Variants in EPHB2 observed in about 807,000 individuals in gnomAD.
EPHB2 encodes the protein EPH receptor B2, also known as ephrin type-B receptor 2.
Under a neutral mutation model 96.4 loss-of-function variants are expected in EPHB2, and 18 were observed. That is an observed-to-expected ratio of 0.19 (90% confidence interval 0.13 to 0.28). The LOEUF is 0.28. EPHB2 is among the 10% of genes least tolerant of loss of function. EPHB2 has a pLI of 1.00. For synonymous variants in EPHB2, 506 were observed against 534.1 expected (o/e 0.95, Z 0.72); for missense variants, 989 against 1,355.4 (o/e 0.73, Z 4.25).
intron 5 of EPHB2, among the ~76,000 whole-genome samples, chr1:22,873,731 G>T (rs1357057750): frequency 1.3e-5 from 2 of 152,246 alleles, no homozygotes; most frequent in African/African-American, 4.8e-5. Context: ...CAAAATGGCT[G>T]CAAGGTCTCT....
chr1:22,883,763 C>G (rs373090740), intron 6 of EPHB2, among the ~76,000 whole-genome samples: 1 of 152,294 alleles, frequency 6.6e-6, no homozygotes, highest in South Asian at 2.1e-4. Context: ...GGCCGTCTTA[C>G]CATTGCTTGC....
At chr1:22,786,832 G>A (rs1204778372) in intron 3 of EPHB2, among the ~76,000 whole-genome samples, 1 of 152,242 alleles carries the variant, frequency 6.6e-6, no homozygotes, top group Non-Finnish European at 1.5e-5. Context: ...CTTGCAGAAA[G>A]GTGATGGTTC....
chr1:22,804,499 C>T (rs768267955), intron 3 of EPHB2, among the ~76,000 whole-genome samples: 1 of 152,132 alleles, frequency 6.6e-6, no homozygotes, highest in East Asian at 1.9e-4. Context: ...GGCCTGAAAG[C>T]GCACGCTCAC....
At chr1:22,894,392 G>C (rs942947839) in intron 7 of EPHB2, among the ~76,000 whole-genome samples, 1 of 152,138 alleles carries the variant, frequency 6.6e-6, no homozygotes, top group African/African-American at 2.4e-5. Flanking sequence ...GAGGTCAGGA[G>C]TTCGAGACCA....
At chr1:22,739,962 A>G (rs1209061555) in intron 1 of EPHB2, among the ~76,000 whole-genome samples, 1 of 152,234 alleles carries the variant, frequency 6.6e-6, no homozygotes, top group Non-Finnish European at 1.5e-5. Context: ...AGACTAGGAT[A>G]ACTTACTTGT....
intron 5 of EPHB2, among the ~76,000 whole-genome samples, chr1:22,880,093 T>C (rs10799770): frequency 0.16 from 24,392 of 151,892 alleles, 2,766 homozygotes; most frequent in East Asian, 0.62. Context: ...GCAGGGAACA[T>C]TGGAGCCTCG....
intron 1 of EPHB2, among the ~76,000 whole-genome samples, chr1:22,722,055 C>T (rs1319869164): frequency 6.6e-6 from 1 of 152,198 alleles, no homozygotes; most frequent in Non-Finnish European, 1.5e-5. Context: ...TCAAGCAATT[C>T]TTGGGCCTCA....
chr1:22,898,589 G>T (rs915740875), intron 9 of EPHB2, among the ~76,000 whole-genome samples: 1 of 152,186 alleles, frequency 6.6e-6, no homozygotes, highest in Non-Finnish European at 1.5e-5. Flanking sequence ...CTGCTGGAAG[G>T]TTCTGAGCAG....
chr1:22,886,310 G>A (rs1639222917), intron 6 of EPHB2, among the ~76,000 whole-genome samples: 1 of 152,266 alleles, frequency 6.6e-6, no homozygotes, highest in Non-Finnish European at 1.5e-5. Context: ...CAAGGCAAGT[G>A]TGGCAGAAGC....
intron 13 of EPHB2, among the ~76,000 whole-genome samples, 195 bp downstream of exon 13, chr1:22,909,366 G>C (rs1411525447): frequency 6.6e-6 from 1 of 152,190 alleles, no homozygotes; most frequent in Non-Finnish European, 1.5e-5. Context: ...GACTCTCCAG[G>C]GGGTAGGAAG....
intron 5 of EPHB2, among the ~76,000 whole-genome samples, chr1:22,869,178 AC>A (rs916634511): frequency 4.0e-5 from 6 of 150,502 alleles, no homozygotes; most frequent in South Asian, 4.2e-4. Flanking sequence ...ACCTCACCAC[AC>A]CCCCACCCCA....
At chr1:22,855,220 T>G in intron 3 of EPHB2, among the ~76,000 whole-genome samples, 1 of 152,140 alleles carries the variant, frequency 6.6e-6, no homozygotes, top group Admixed American at 6.5e-5. Context: ...ACAGAGCAAA[T>G]GGCAGTGAAG....
At chr1:22,769,530 C>A (rs1169517577) in intron 1 of EPHB2, among the ~76,000 whole-genome samples, 1 of 152,128 alleles carries the variant, frequency 6.6e-6, no homozygotes, top group African/African-American at 2.4e-5. Context: ...GCCTCAATCT[C>A]CCAAGTAGCT....
At chr1:22,754,837 G>C (rs1195807752) in intron 1 of EPHB2, among the ~76,000 whole-genome samples, 2 of 79,908 alleles carry the variant, frequency 2.5e-5, no homozygotes, top group Non-Finnish European at 5.5e-5. Flanking sequence ...AGGGGCAGGG[G>C]AGGGGAGGTG....
intron 9 of EPHB2, among the ~76,000 whole-genome samples, chr1:22,904,229 G>T (rs1639835434): frequency 6.6e-6 from 1 of 151,410 alleles, no homozygotes; most frequent in South Asian, 2.1e-4. Flanking sequence ...GGAGGCGGAG[G>T]TTGCAGTGAG....
intron 3 of EPHB2, among the ~76,000 whole-genome samples, chr1:22,795,738 C>G (rs1644757553): frequency 6.6e-6 from 1 of 152,192 alleles, no homozygotes; most frequent in Non-Finnish European, 1.5e-5. Context: ...GCATGACTTT[C>G]TCAGCGTCCC....
chr1:22,781,938 TA>T (rs1644539167), intron 2 of EPHB2, among the ~76,000 whole-genome samples: 1 of 152,148 alleles, frequency 6.6e-6, no homozygotes. Context: ...CAGGGCCCTA[TA>T]GATAATAAGT....
chr1:22,860,193 G>A lies in EPHB2; in HGVS notation c.812-2844G>A, dbSNP rs1442704744. Reference sequence around the variant, plus strand: ...CTGCACTCCAGAGAGCTAGTTTGGAGAGTGGGTGGGTGGGAGGAGGCCAGA... The same window carrying A: ...CTGCACTCCAGAGAGCTAGTTTGGAAAGTGGGTGGGTGGGAGGAGGCCAGA... On this transcript the variant is annotated intron_variant, in intron 3 of 15. Coordinates refer to ENST00000374630, the MANE Select transcript of EPHB2 (RefSeq NM_017449.5). The surrounding 1 kb of genome is among the most constrained non-coding windows in gnomAD (Gnocchi z 4.6). Among the ~76,000 whole-genome samples, 6 of 152,090 alleles carry A rather than the reference G, an allele frequency of 3.9e-5. No homozygotes were observed. The highest frequency in any genetic ancestry group is 1.2e-4 in the African/African-American group (5 of 41,424).
At chr1:22,879,408 G>A (rs1228723192) in intron 5 of EPHB2, among the ~76,000 whole-genome samples, 1 of 152,216 alleles carries the variant, frequency 6.6e-6, no homozygotes. Flanking sequence ...CCCGTGATGG[G>A]CAGACAGCCT....
Sources: allele counts gnomAD v4.1 joint callset (sites outside exome capture counted in the v4.1 genomes callset), GRCh38; gene constraint gnomAD v4.1.1; non-coding constraint Gnocchi (gnomAD v3.1); transcripts MANE v1.5; gene names NCBI Gene and HGNC (gene_info 2026-07-23, HGNC 2026-07-21).